Variants in CSMD1 observed in about 807,000 individuals in gnomAD.
The protein encoded by CSMD1 is CUB and sushi domain-containing protein 1.
Under a neutral mutation model 417.5 loss-of-function variants are expected in CSMD1, and 213 were observed. The ratio of observed to expected loss-of-function variants is 0.51; its 90% CI spans 0.46 to 0.57. CSMD1 has a LOEUF of 0.57. Among genes scored for constraint, CSMD1 ranks in the 20% least tolerant of loss-of-function variants. The pLI is 0.00. For missense variants in CSMD1, 6,923 were observed against 4,529.7 expected, an observed-to-expected ratio of 1.53 and a Z score of -15.17; for synonymous variants, 2,862 against 1,736.8, an observed-to-expected ratio of 1.65 and a Z score of -16.11.
At chr8:3,157,767 T>G in intron 39 of CSMD1, 130 bp downstream of exon 39, 2 of 711,164 alleles carry the variant, frequency 2.8e-6, no homozygotes, top group Non-Finnish European at 4.9e-6. Flanking sequence ...CTGCATTATG[T>G]GCTATTAGTA....
At chr8:3,632,320 C>T (rs6998329) in intron 7 of CSMD1, among the ~76,000 whole-genome samples, 21,614 of 152,000 alleles carry the variant, frequency 0.14, 1,983 homozygotes, top group African/African-American at 0.26. Flanking sequence ...AAGCCCCGTT[C>T]GCCTTCTTGG....
rs918572823 is a variant in CSMD1 at position 2,935,724 on chromosome 8, C to G, written c.*2861G>C. On this transcript the variant is annotated 3_prime_UTR_variant, in exon 70 of 70. Transcript: ENST00000635120. Reference sequence around the variant, plus strand: ...GTCGTGACAGCAGCGTGTGGTGGGACGGGAGGGAGGGTCGGCGATGACAAT... The same window carrying G: ...GTCGTGACAGCAGCGTGTGGTGGGAGGGGAGGGAGGGTCGGCGATGACAAT... The G allele has an allele frequency of 6.6e-6, 1 of 150,974 alleles. No individual in the cohort carries two copies. The highest frequency in any genetic ancestry group is 1.5e-5 in the Non-Finnish European group (1 of 67,706). The allele number at this position is 150,974 out of a possible 1,614,324, so 9.4% of individuals were successfully genotyped here.
intron 1 of CSMD1, among the ~76,000 whole-genome samples, chr8:4,984,509 G>A (rs1811067003): frequency 6.6e-6 from 1 of 152,172 alleles, no homozygotes; most frequent in African/African-American, 2.4e-5. Context: ...CCCTCACTGA[G>A]CTAATGAAAA....
chr8:3,147,106 C>T (rs1818891907), intron 40 of CSMD1, among the ~76,000 whole-genome samples: 1 of 152,140 alleles, frequency 6.6e-6, no homozygotes, highest in Admixed American at 6.5e-5. Context: ...CCTGAGAATC[C>T]AAATCCCAAA....
In CSMD1 at chr8:3,772,355, T is replaced by C. The variant is rs13251174; in HGVS notation, c.819-18313A>G. ...TTTAGACATACATATATACATATAT[T>C]TATATATACATATATACATATATTC... On this transcript the variant is annotated intron_variant, in intron 5 of 69. Coordinates refer to ENST00000635120, the MANE Select transcript of CSMD1 (RefSeq NM_033225.6). Among the ~76,000 whole-genome samples, 9 of 86,392 alleles carry C rather than the reference T, an allele frequency of 1.0e-4. 1 individual carries two copies. The highest frequency in any genetic ancestry group is 2.1e-4 in the Non-Finnish European group (8 of 37,892). The allele number at this position is 86,392 out of a possible 152,430, so 56.7% of individuals were successfully genotyped here.
chr8:3,796,367 A>G (rs1284268659), intron 5 of CSMD1, among the ~76,000 whole-genome samples: 1 of 82,572 alleles, frequency 1.2e-5, no homozygotes, highest in Non-Finnish European at 2.4e-5. Context: ...AGATATAGAT[A>G]TCTATCATGT....
At chr8:4,434,506 C>G (rs913608227) in intron 2 of CSMD1, among the ~76,000 whole-genome samples, 8 of 152,054 alleles carry the variant, frequency 5.3e-5, no homozygotes, top group African/African-American at 1.9e-4. Context: ...AAAAGAAAAC[C>G]CAGCAAAATT....
chr8:4,365,660 T>C (rs536238667), intron 3 of CSMD1, among the ~76,000 whole-genome samples: 1 of 152,322 alleles, frequency 6.6e-6, no homozygotes, highest in Non-Finnish European at 1.5e-5. Context: ...TTGCTTCCTG[T>C]GGTTAAAACC....
At chr8:3,981,611 G>C (rs988983088) in intron 5 of CSMD1, among the ~76,000 whole-genome samples, 8 of 150,622 alleles carry the variant, frequency 5.3e-5, no homozygotes, top group Admixed American at 5.3e-4. Context: ...GTATCAATTA[G>C]AGCAGTATTG....
chr8:4,027,941 G>C (rs1048745094), intron 4 of CSMD1, among the ~76,000 whole-genome samples: 1 of 152,082 alleles, frequency 6.6e-6, no homozygotes, highest in African/African-American at 2.4e-5. Context: ...GTAGAAATAA[G>C]GAAGAAGAAA....
At chr8:4,251,818 G>A (rs570410569) in intron 3 of CSMD1, among the ~76,000 whole-genome samples, 23 of 151,002 alleles carry the variant, frequency 1.5e-4, no homozygotes, top group African/African-American at 5.1e-4. Context: ...GACAGATGGA[G>A]GAGGAGAGAT....
At chr8:3,804,539 T>C (rs1416473412) in intron 5 of CSMD1, among the ~76,000 whole-genome samples, 2 of 152,326 alleles carry the variant, frequency 1.3e-5, no homozygotes, top group East Asian at 1.9e-4. Context: ...CATGTTGCTA[T>C]AAATGAGATT....
chr8:4,441,946 T>C (rs1798507226), intron 2 of CSMD1, among the ~76,000 whole-genome samples: 1 of 152,212 alleles, frequency 6.6e-6, no homozygotes, highest in African/African-American at 2.4e-5. Context: ...ACCATTGTAC[T>C]GAGAAACTCA....
intron 3 of CSMD1, among the ~76,000 whole-genome samples, chr8:4,254,461 T>A (rs376188861): frequency 1.3e-5 from 2 of 152,150 alleles, no homozygotes; most frequent in African/African-American, 2.4e-5. Flanking sequence ...CTAAGCGACA[T>A]TGCAGCTGTC....
intron 1 of CSMD1, among the ~76,000 whole-genome samples, chr8:4,682,630 T>C (rs2130982033): frequency 6.6e-6 from 1 of 152,150 alleles, no homozygotes; most frequent in East Asian, 1.9e-4. Context: ...CTTAAAGGTA[T>C]TTATTTGTAA....
chr8:3,058,627 T>C (rs1432631301), intron 49 of CSMD1, among the ~76,000 whole-genome samples: 1 of 152,134 alleles, frequency 6.6e-6, no homozygotes, highest in Admixed American at 6.5e-5. Flanking sequence ...CAAACATTAA[T>C]GTGCTCCTTA....
chr8:3,617,435 C>A (rs998187618), intron 7 of CSMD1, among the ~76,000 whole-genome samples: 1 of 152,128 alleles, frequency 6.6e-6, no homozygotes, highest in Non-Finnish European at 1.5e-5. Context: ...TTCATTTCAT[C>A]CTGTATAATT....
chr8:4,703,542 G>A (rs1049521854), intron 1 of CSMD1, among the ~76,000 whole-genome samples: 2 of 152,008 alleles, frequency 1.3e-5, no homozygotes. Flanking sequence ...TATCAATTTT[G>A]CAAGGAATTA....
intron 2 of CSMD1, among the ~76,000 whole-genome samples, chr8:4,541,710 G>C (rs745850877): frequency 6.6e-6 from 1 of 152,056 alleles, no homozygotes; most frequent in Non-Finnish European, 1.5e-5. Flanking sequence ...ATTCCAGCCT[G>C]GGTGACAGAG....
Sources: allele counts gnomAD v4.1 joint callset (sites outside exome capture counted in the v4.1 genomes callset), GRCh38; gene constraint gnomAD v4.1.1; transcripts MANE v1.5; gene names NCBI Gene and HGNC (gene_info 2026-07-23, HGNC 2026-07-21).